The following BNC2 variants were observed in gnomAD, a reference collection of about 807,000 sequenced individuals.
The protein encoded by BNC2 is basonuclin zinc finger protein 2, also known as zinc finger protein basonuclin-2.
In BNC2, 20 loss-of-function variants were observed where a neutral mutation model predicts 76.3. That is an observed-to-expected ratio of 0.26 (90% CI 0.18 to 0.38). The LOEUF (loss-of-function observed/expected upper bound fraction) is 0.38. Ranked by LOEUF, BNC2 falls within the 10% of genes least tolerant of loss-of-function variation. BNC2 has a pLI of 1.00. For synonymous variants in BNC2, 582 were observed against 514.8 expected (o/e 1.13, Z -1.77); for missense variants, 1,382 against 1,399.8 (o/e 0.99, Z 0.20).
intron 1 of BNC2, among the ~76,000 whole-genome samples, chr9:16,825,043 TC>T (rs1031519037): frequency 3.9e-4 from 25 of 64,738 alleles, no homozygotes; most frequent in African/African-American, 1.1e-3. Flanking sequence ...TTCTTACCCC[TC>T]TTTTTTTTTT....
At chr9:16,772,920 A>G (rs1825867830) in intron 1 of BNC2, among the ~76,000 whole-genome samples, 1 of 152,216 alleles carries the variant, frequency 6.6e-6, no homozygotes, top group Non-Finnish European at 1.5e-5. Flanking sequence ...TGAAGTGGCA[A>G]GATACAATAT....
At chr9:16,541,281 A>G (rs1250477401) in intron 5 of BNC2, among the ~76,000 whole-genome samples, 1 of 152,168 alleles carries the variant, frequency 6.6e-6, no homozygotes, top group Non-Finnish European at 1.5e-5. Flanking sequence ...GGAAAGGGGG[A>G]AAAAGTTTTT....
chr9:16,776,024 G>T (rs189907096), intron 1 of BNC2, among the ~76,000 whole-genome samples: 36 of 152,236 alleles, frequency 2.4e-4, no homozygotes, highest in African/African-American at 8.7e-4. Flanking sequence ...GTGGAACCCC[G>T]ACCAGGTCAG....
intron 5 of BNC2, among the ~76,000 whole-genome samples, chr9:16,504,136 A>G (rs868859610): frequency 2.6e-5 from 4 of 152,170 alleles, no homozygotes; most frequent in African/African-American, 9.7e-5. Context: ...TCTAAGTCAT[A>G]GTTTCCTCAT....
At chr9:16,765,969 A>G (rs942260095) in intron 1 of BNC2, among the ~76,000 whole-genome samples, 1 of 151,876 alleles carries the variant, frequency 6.6e-6, no homozygotes, top group Non-Finnish European at 1.5e-5. Flanking sequence ...TTGTATTTTT[A>G]GTAGAGACGG....
chr9:16,707,095 G>A lies in BNC2; in HGVS notation c.330+20702C>T, dbSNP rs576716194. On this transcript the variant is annotated intron_variant, in intron 3 of 6. Coordinates refer to ENST00000380672, the MANE Select transcript of BNC2 (RefSeq NM_017637.6). ...TGGGCGCCTGTAGTCCCAGCTAATC[G>A]GGAGGCTGAGGCAGGAGAATGGTGT... Among the ~76,000 whole-genome samples, 357 of 152,208 alleles carry A rather than the reference G, an allele frequency of 2.3e-3. 2 individuals carry two copies. Among genetic ancestry groups the A allele is most frequent in the African/African-American group, 8.1e-3 (338 of 41,548 alleles).
intron 1 of BNC2, among the ~76,000 whole-genome samples, chr9:16,798,747 C>T (rs944627552): frequency 6.6e-6 from 1 of 152,098 alleles, no homozygotes; most frequent in Non-Finnish European, 1.5e-5. Context: ...TGCTCCCCAC[C>T]ACCCTGTAAG....
intron 3 of BNC2, among the ~76,000 whole-genome samples, chr9:16,650,108 T>C (rs1328241167): frequency 6.6e-6 from 1 of 152,126 alleles, no homozygotes; most frequent in African/African-American, 2.4e-5. Flanking sequence ...AAATGCACAG[T>C]TGGTTTCAAA....
intron 3 of BNC2, among the ~76,000 whole-genome samples, chr9:16,621,397 G>A (rs897890178): frequency 3.3e-5 from 5 of 152,102 alleles, no homozygotes; most frequent in African/African-American, 1.2e-4. Context: ...TGGCTTCACA[G>A]GGAGTAAAGT....
At chr9:16,614,382 T>C (rs768684974) in intron 3 of BNC2, among the ~76,000 whole-genome samples, 1 of 152,088 alleles carries the variant, frequency 6.6e-6, no homozygotes. Flanking sequence ...ACATGTATGC[T>C]TCAAAAGAGA....
At position 16,538,799 on chromosome 9, in the gene BNC2, T is replaced by A. The variant is rs532888023; in HGVS notation, c.669+13731A>T. Among the ~76,000 whole-genome samples, 3 of 152,316 alleles carry A rather than the reference T, an allele frequency of 2.0e-5. No individual in the cohort carries two copies. The East Asian group carries it at 5.8e-4, about 29-fold the overall frequency. On this transcript the variant is annotated intron_variant, in intron 5 of 6. Coordinates refer to ENST00000380672, the MANE Select transcript of BNC2 (RefSeq NM_017637.6). ...TATTATTAAAATACAACCAAGACAG[T>A]TGAAAAATGTTTAAAATTCCTTAAA...
At chr9:16,541,843 T>C (rs1237022554) in intron 5 of BNC2, among the ~76,000 whole-genome samples, 1 of 152,166 alleles carries the variant, frequency 6.6e-6, no homozygotes, top group African/African-American at 2.4e-5. Context: ...CACTGATCTG[T>C]GTTCCAAACA....
chr9:16,553,184 T>C (rs73417477), intron 4 of BNC2, among the ~76,000 whole-genome samples: 24,408 of 152,112 alleles, frequency 0.16, 3,976 homozygotes, highest in African/African-American at 0.42. Flanking sequence ...TCATGCCATA[T>C]GGGCAGGCTC....
intron 1 of BNC2, among the ~76,000 whole-genome samples, chr9:16,829,148 C>G (rs1340734871): frequency 6.6e-6 from 1 of 152,206 alleles, no homozygotes; most frequent in African/African-American, 2.4e-5. Context: ...CTGCAGCGGC[C>G]TCTGCGAATT....
chr9:16,511,973 A>G (rs898632374), intron 5 of BNC2, among the ~76,000 whole-genome samples: 27 of 152,200 alleles, frequency 1.8e-4, no homozygotes, highest in African/African-American at 6.5e-4. Context: ...GATACTTATA[A>G]TACTAATGCA....
chr9:16,850,751 T>C (rs911795741), intron 1 of BNC2, among the ~76,000 whole-genome samples: 1 of 152,072 alleles, frequency 6.6e-6, no homozygotes, highest in Non-Finnish European at 1.5e-5. Context: ...TGAGTTATTA[T>C]TGCATCACTG....
In BNC2 at chr9:16,456,140, T is replaced by G. The variant is rs75957511; in HGVS notation, c.670-18616A>C. 4.5e-3 allele frequency among the ~76,000 whole-genome samples: 691 copies of G among 152,266 alleles called. 2 individuals carry two copies. The highest frequency in any genetic ancestry group is 0.017 in the Middle Eastern group (5 of 294). On this transcript the variant is annotated intron_variant, in intron 5 of 6. Coordinates refer to ENST00000380672, the MANE Select transcript of BNC2 (RefSeq NM_017637.6). ...TACCTATCAAGGACTTAATGCCAGTTTAACATGAAATTAAGGTCAAAATTT... is the reference window on the plus strand; with the variant it reads ...TACCTATCAAGGACTTAATGCCAGTGTAACATGAAATTAAGGTCAAAATTT...
chr9:16,528,030 A>T (rs1468985026), intron 5 of BNC2, among the ~76,000 whole-genome samples: 1 of 152,244 alleles, frequency 6.6e-6, no homozygotes, highest in Non-Finnish European at 1.5e-5. Flanking sequence ...AACAGATGCC[A>T]AATGCATCTT....
chr9:16,835,633 C>T (rs1299017781), intron 1 of BNC2, among the ~76,000 whole-genome samples: 13 of 152,138 alleles, frequency 8.5e-5, no homozygotes, highest in African/African-American at 3.1e-4. Flanking sequence ...ACCTGGGAGG[C>T]GGAGGTTGCA....
Sources: gnomAD v4.1 joint callset for allele counts (sites outside exome capture counted in the v4.1 genomes callset) on GRCh38, gnomAD v4.1.1 for gene constraint, MANE v1.5 for transcripts, NCBI Gene and HGNC (gene_info 2026-07-23, HGNC 2026-07-21) for gene names.